The following CPAMD8 variants were observed in gnomAD, a reference collection of about 807,000 sequenced individuals.
CPAMD8 encodes C3 and PZP like alpha-2-macroglobulin domain containing 8.
CPAMD8 carries 146 observed loss-of-function variants against 224.7 expected under a neutral mutation model. That is an observed-to-expected ratio of 0.65 (90% CI 0.57 to 0.75). The LOEUF (loss-of-function observed/expected upper bound fraction) is 0.75. Ranked by LOEUF, CPAMD8 falls within the 30% of genes least tolerant of loss-of-function variation. The pLI is 0.00. For missense variants in CPAMD8, 2,301 were observed against 2,537.5 expected (o/e 0.91, Z 2.00); for synonymous variants, 966 against 1,044.6 (o/e 0.92, Z 1.45).
chr19:16,976,800 G>A (rs143862934), intron 15 of CPAMD8, among the ~76,000 whole-genome samples: 3 of 151,914 alleles, frequency 2.0e-5, no homozygotes, highest in East Asian at 3.9e-4. Context: ...CCAGCACTTC[G>A]GGAGGCTGAA....
chr19:16,979,339 C>T (rs893536719), intron 14 of CPAMD8, among the ~76,000 whole-genome samples: 1 of 150,372 alleles, frequency 6.7e-6, no homozygotes. Flanking sequence ...TCCAGCCATC[C>T]ATCTGTCCAT....
intron 12 of CPAMD8, among the ~76,000 whole-genome samples, chr19:16,990,327 A>G (rs1401234914): frequency 6.6e-6 from 1 of 151,878 alleles, no homozygotes; most frequent in Non-Finnish European, 1.5e-5. Flanking sequence ...CATACCTATA[A>G]TCTCAGCATT....
At chr19:16,894,342 A>C in intron 41 of CPAMD8, 1 of 449,376 alleles carries the variant, frequency 2.2e-6, no homozygotes, top group Non-Finnish European at 4.5e-6. Context: ...CTGCCCACCC[A>C]CCATACAGAG....
In CPAMD8 at chr19:16,980,367, G is replaced by A. The variant is rs73505528; in HGVS notation, c.1585+130C>T. The A allele has an allele frequency of 3.6e-3, 2,800 of 768,528 alleles. 55 individuals carry two copies. In the African/African-American group the frequency reaches 0.041, roughly 11 times the overall value. The allele number at this position is 768,528 out of a possible 1,614,324, so 47.6% of individuals were successfully genotyped here. The stretch of plus-strand genomic sequence containing the variant: ...CCCAGTCTGGTATTGTTAAGGATGT[G>A]TCCCCTCTGACCCAAGGCATGCTCC... On this transcript the variant is annotated intron_variant, in intron 14 of 41. Coordinates refer to ENST00000443236, the MANE Select transcript of CPAMD8 (RefSeq NM_015692.5).
intron 12 of CPAMD8, among the ~76,000 whole-genome samples, chr19:16,991,996 C>A (rs1333559336): frequency 6.6e-6 from 1 of 152,148 alleles, no homozygotes; most frequent in African/African-American, 2.4e-5. Flanking sequence ...TGGTTAAAAC[C>A]TTTAGGACAT....
At chr19:16,900,759 C>T (rs1315955820) in intron 36 of CPAMD8, among the ~76,000 whole-genome samples, 1 of 151,880 alleles carries the variant, frequency 6.6e-6, no homozygotes, top group Non-Finnish European at 1.5e-5. Flanking sequence ...TGTCTGTAAC[C>T]CCAGCACTTT....
Position 16,961,390 on chromosome 19 carries a change from G to T in CPAMD8, c.2214-3475C>A, listed in dbSNP as rs375236931. Among the ~76,000 whole-genome samples, 8 of 152,348 alleles carry T rather than the reference G, an allele frequency of 5.3e-5. No homozygotes were observed. In the East Asian group the frequency reaches 1.4e-3, roughly 26 times the overall value. On this transcript the variant is annotated intron_variant, in intron 18 of 41. Coordinates refer to ENST00000443236, the MANE Select transcript of CPAMD8 (RefSeq NM_015692.5). The stretch of plus-strand genomic sequence containing the variant: ...CCATGCCTGGCTGGGCGGGTCCCAC[G>T]CCCGCAGAGCCTTGCTCACTGCTAG...
rs1327765934 is a variant in CPAMD8 at position 16,929,336 on chromosome 19, A to G, written c.2846-96T>C. On this transcript the variant is annotated intron_variant, in intron 23 of 41. Coordinates refer to ENST00000443236, the MANE Select transcript of CPAMD8 (RefSeq NM_015692.5). ...GGAGGTGAGCACCAGGACCACAAGG[A>G]GTGGGTCTCACTGTGACTCGGCACA... The G allele has an allele frequency of 3.0e-6, 3 of 987,884 alleles. No homozygotes were observed. In the African/African-American group the frequency reaches 4.8e-5, roughly 16 times the overall value. The allele number at this position is 987,884 out of a possible 1,614,324, so 61.2% of individuals were successfully genotyped here.
intron 3 of CPAMD8, among the ~76,000 whole-genome samples, chr19:17,012,307 T>C (rs901883489): frequency 1.3e-5 from 2 of 151,032 alleles, no homozygotes; most frequent in African/African-American, 2.4e-5. Flanking sequence ...GCGTGAGCCA[T>C]TGCACCCGGC....
At chr19:17,021,412 G>A (rs770134685) in intron 2 of CPAMD8, among the ~76,000 whole-genome samples, 1 of 152,162 alleles carries the variant, frequency 6.6e-6, no homozygotes, top group African/African-American at 2.4e-5. Context: ...AGAGACAAGT[G>A]CTGCTTCACT....
intron 19 of CPAMD8, among the ~76,000 whole-genome samples, chr19:16,955,500 TA>T (rs555551037): frequency 4.1e-4 from 62 of 152,148 alleles, no homozygotes; most frequent in Non-Finnish European, 7.6e-4. Context: ...AGTGAGTGTT[TA>T]ATGGGACAGA....
rs755315298 is a variant in CPAMD8, at chr19:16,993,430, G to A, written c.1252C>T (p.His418Tyr). The A allele has an allele frequency of 6.2e-7, 1 of 1,613,206 alleles. No homozygotes were observed. Among genetic ancestry groups the A allele is most frequent in the Non-Finnish European group, 8.5e-7 (1 of 1,179,528 alleles). The change falls in exon 12 of 42, where the codon CAC becomes TAC. Residue 418 changes from histidine to tyrosine, a missense_variant. By Grantham distance (83) the His-to-Tyr change is moderately conservative. This residue lies in a region of CPAMD8 where 301 missense variants were observed against 406.6 expected (regional missense o/e 0.74). Transcript: ENST00000443236. Reference sequence around the variant, plus strand: ...GACTCACCCACCTCCAGCCACACGTGCTGGGCTGACGTGGGGATGGAGGGG... The same window carrying A: ...GACTCACCCACCTCCAGCCACACGTACTGGGCTGACGTGGGGATGGAGGGG... ...EIPSIPTSAQ[H>Y]VWLETKVMAL... is the part of the protein sequence containing the mutation.
chr19:16,983,380 CAG>C (rs1366687748), intron 13 of CPAMD8, among the ~76,000 whole-genome samples: 1 of 151,376 alleles, frequency 6.6e-6, no homozygotes, highest in Non-Finnish European at 1.5e-5. Flanking sequence ...GCCTGGGTGA[CAG>C]AGTGAGACTC....
rs145695361 is a variant in CPAMD8, at chr19:16,957,798, T to C, written c.2276+55A>G. 5.1e-6 allele frequency: 8 copies of C among 1,569,352 alleles called. No individual in the cohort carries two copies. The East Asian group carries it at 1.8e-4, about 35-fold the overall frequency. On this transcript the variant is annotated intron_variant, in intron 19 of 41. Coordinates refer to ENST00000443236, the MANE Select transcript of CPAMD8 (RefSeq NM_015692.5). Reference sequence around the variant, plus strand: ...TCACCGGAGGCTCTCTGGACCCGCATGAGTGTCTTTCACTCAACCGGCAAA... The same window carrying C: ...TCACCGGAGGCTCTCTGGACCCGCACGAGTGTCTTTCACTCAACCGGCAAA...
At chr19:16,914,354 A>G (rs529751408) in intron 29 of CPAMD8, 70 bp downstream of exon 29, 164 of 1,310,666 alleles carry the variant, frequency 1.3e-4, no homozygotes, top group Non-Finnish European at 1.7e-4. Flanking sequence ...CCCTGGCATA[A>G]AGGAGGGAAC....
At chr19:16,998,357 G>A (rs2056202222) in intron 10 of CPAMD8, among the ~76,000 whole-genome samples, 1 of 152,206 alleles carries the variant, frequency 6.6e-6, no homozygotes, top group Non-Finnish European at 1.5e-5. Context: ...CTACATGGGA[G>A]GCTGAGGCAG....
chr19:16,931,955 A>G (rs1488726796), intron 23 of CPAMD8, among the ~76,000 whole-genome samples: 1 of 152,200 alleles, frequency 6.6e-6, no homozygotes, highest in Non-Finnish European at 1.5e-5. Context: ...TATGAAAGCA[A>G]ATTCAAAAGA....
chr19:16,973,827 CTTT>C (rs559363114), intron 17 of CPAMD8, among the ~76,000 whole-genome samples: 22,974 of 117,344 alleles, frequency 0.2, 1,610 homozygotes, highest in African/African-American at 0.27. Flanking sequence ...AGCATTAGCC[CTTT>C]TTTTTTTTTT....
chr19:16,941,769 T>C (rs1052532708), intron 22 of CPAMD8, among the ~76,000 whole-genome samples: 1 of 151,536 alleles, frequency 6.6e-6, no homozygotes, highest in African/African-American at 2.4e-5. Context: ...GGTCAAGAGA[T>C]TGAGACCAGC....
Sources: allele counts gnomAD v4.1 joint callset (sites outside exome capture counted in the v4.1 genomes callset), GRCh38; gene constraint gnomAD v4.1.1; regional missense constraint gnomAD v4.1.1; transcripts MANE v1.5; gene names NCBI Gene and HGNC (gene_info 2026-07-23, HGNC 2026-07-21).